Variants in IL15 observed in about 807,000 individuals in gnomAD.
The protein encoded by IL15 is interleukin-15.
IL15 carries 11 observed loss-of-function variants against 19.6 expected under a neutral mutation model. The ratio of observed to expected loss-of-function variants is 0.56; its 90% CI spans 0.35 to 0.93. IL15 has a LOEUF of 0.93. IL15 is among the 40% of genes least tolerant of loss of function. IL15 has a pLI of 0.01. For synonymous variants in IL15, 58 were observed against 59.6 expected (o/e 0.97, Z 0.12); for missense variants, 197 against 186.5 (o/e 1.06, Z -0.33).
chr4:141,644,849 T>C (rs1438372917), intron 1 of IL15, among the ~76,000 whole-genome samples: 1 of 152,164 alleles, frequency 6.6e-6, no homozygotes, highest in East Asian at 1.9e-4. Flanking sequence ...CAAGTCTAAA[T>C]AGAGCCGGCA....
intron 5 of IL15, among the ~76,000 whole-genome samples, chr4:141,722,643 A>G (rs1369251785): frequency 6.6e-6 from 1 of 152,226 alleles, no homozygotes; most frequent in Non-Finnish European, 1.5e-5. Flanking sequence ...CCATTGTAAC[A>G]AGAAATAGGA....
At chr4:141,691,909 C>T (rs1191024453) in intron 2 of IL15, among the ~76,000 whole-genome samples, 1 of 152,232 alleles carries the variant, frequency 6.6e-6, no homozygotes, top group Non-Finnish European at 1.5e-5. Flanking sequence ...AGTGAAGACT[C>T]TGTGTGGGGG....
chr4:141,731,006 G>A (rs965005280), intron 7 of IL15, among the ~76,000 whole-genome samples: 1 of 152,144 alleles, frequency 6.6e-6, no homozygotes, highest in Non-Finnish European at 1.5e-5. Flanking sequence ...GCTCCAGTTA[G>A]GGTAGGCTGA....
intron 7 of IL15, among the ~76,000 whole-genome samples, chr4:141,731,123 T>G (rs1368367553): frequency 6.6e-6 from 1 of 152,154 alleles, no homozygotes; most frequent in Non-Finnish European, 1.5e-5. Context: ...CCTAAGCTTG[T>G]GTGGGTGGAC....
In IL15 at chr4:141,732,988, A is replaced by T. The variant is rs1354244558; in HGVS notation, c.*140A>T. ...AGAAGATGATCAGACCTTGGATCAG[A>T]TGAACTCTTAGAAATGAAGGCAGAA... On this transcript the variant is annotated 3_prime_UTR_variant, in exon 8 of 8. Coordinates refer to ENST00000320650, the MANE Select transcript of IL15 (RefSeq NM_000585.5). 6.8e-6 allele frequency: 9 copies of T among 1,327,976 alleles called. No homozygotes were observed. The highest frequency in any genetic ancestry group is 1.5e-5 in the African/African-American group (1 of 66,058). The allele number at this position is 1,327,976 out of a possible 1,614,324, so 82.3% of individuals were successfully genotyped here.
chr4:141,653,590 T>A (rs546954791), intron 1 of IL15, among the ~76,000 whole-genome samples: 148 of 152,288 alleles, frequency 9.7e-4, no homozygotes, highest in African/African-American at 3.4e-3. Context: ...GTTACCTTTT[T>A]CTTTTTACTT....
rs116043283 is a variant in IL15 at position 141,657,858 on chromosome 4, C to T, written c.-100+1551C>T. On this transcript the variant is annotated intron_variant, in intron 2 of 7. Transcript: ENST00000320650. The stretch of plus-strand genomic sequence containing the variant: ...ATATAAGTAAAAGGAGTACACCATA[C>T]AATAATGATAAAAAGTATAGTATAA... Among the ~76,000 whole-genome samples the T allele has an allele frequency of 9.8e-3, 1,484 of 152,176 alleles. 24 individuals carry two copies. Among genetic ancestry groups the T allele is most frequent in the African/African-American group, 0.034 (1,426 of 41,510 alleles).
chr4:141,683,938 G>A (rs1728625152), intron 2 of IL15, among the ~76,000 whole-genome samples: 1 of 152,154 alleles, frequency 6.6e-6, no homozygotes, highest in Admixed American at 6.5e-5. Flanking sequence ...TTAATAACTA[G>A]CTTTAGTAGA....
intron 1 of IL15, among the ~76,000 whole-genome samples, chr4:141,642,716 G>C (rs769189226): frequency 2.0e-5 from 3 of 152,184 alleles, no homozygotes; most frequent in Non-Finnish European, 4.4e-5. Flanking sequence ...TGCTCAAAAT[G>C]TTAACCCTCT....
intron 2 of IL15, among the ~76,000 whole-genome samples, chr4:141,681,061 C>T (rs1212859550): frequency 6.6e-6 from 1 of 152,102 alleles, no homozygotes; most frequent in African/African-American, 2.4e-5. Flanking sequence ...TTCAGCCCAG[C>T]CAATATGCAT....
intron 1 of IL15, among the ~76,000 whole-genome samples, chr4:141,643,909 C>T (rs952235864): frequency 3.3e-5 from 5 of 151,778 alleles, no homozygotes; most frequent in East Asian, 2.0e-4. Context: ...TCACTGGATT[C>T]CTGCCTTTAC....
chr4:141,672,482 C>T (rs930657549), intron 2 of IL15, among the ~76,000 whole-genome samples: 9 of 152,080 alleles, frequency 5.9e-5, no homozygotes, highest in East Asian at 1.9e-4. Flanking sequence ...TTTCAAACAC[C>T]GCACCGCAAA....
intron 1 of IL15, among the ~76,000 whole-genome samples, chr4:141,654,891 C>A (rs979138630): frequency 2.0e-5 from 3 of 152,080 alleles, no homozygotes; most frequent in Non-Finnish European, 4.4e-5. Context: ...TTCCTAGGAA[C>A]ATTGGCCCAT....
intron 1 of IL15, among the ~76,000 whole-genome samples, chr4:141,654,850 G>A (rs1246852535): frequency 6.6e-6 from 1 of 152,044 alleles, no homozygotes; most frequent in East Asian, 1.9e-4. Flanking sequence ...ACCTCTTGTT[G>A]GGTGTTTGCT....
chr4:141,659,699 C>A (rs980074752), intron 2 of IL15, among the ~76,000 whole-genome samples: 1 of 152,180 alleles, frequency 6.6e-6, no homozygotes, highest in Non-Finnish European at 1.5e-5. Flanking sequence ...CTGATCAATT[C>A]TGTGGCAAAT....
intron 2 of IL15, among the ~76,000 whole-genome samples, chr4:141,707,865 C>T (rs1729576711): frequency 6.6e-6 from 1 of 152,180 alleles, no homozygotes; most frequent in Admixed American, 6.5e-5. Flanking sequence ...CTTGAGCTTA[C>T]AGAGATGCTG....
At chr4:141,691,916 G>T (rs1728925692) in intron 2 of IL15, among the ~76,000 whole-genome samples, 1 of 152,220 alleles carries the variant, frequency 6.6e-6, no homozygotes, top group Admixed American at 6.5e-5. Context: ...ACTCTGTGTG[G>T]GGGCTCCAAC....
At chr4:141,654,623 A>G (rs533840207) in intron 1 of IL15, among the ~76,000 whole-genome samples, 1 of 152,304 alleles carries the variant, frequency 6.6e-6, no homozygotes, top group African/African-American at 2.4e-5. Flanking sequence ...AGTTTTCCCC[A>G]AGACATACTT....
At chr4:141,662,447 C>T (rs895423721) in intron 2 of IL15, among the ~76,000 whole-genome samples, 7 of 152,210 alleles carry the variant, frequency 4.6e-5, no homozygotes, top group African/African-American at 1.4e-4. Context: ...AATAAGGCTA[C>T]CTGCGTTAAA....
Sources: allele counts gnomAD v4.1 joint callset (sites outside exome capture counted in the v4.1 genomes callset), GRCh38; gene constraint gnomAD v4.1.1; transcripts MANE v1.5; gene names NCBI Gene and HGNC (gene_info 2026-07-23, HGNC 2026-07-21).